SMARCAL1: variants seen among roughly 807,000 people sequenced by gnomAD.
SMARCAL1 encodes the protein ATP-driven annealing helicase.
Under a neutral mutation model 94.5 loss-of-function variants are expected in SMARCAL1, and 58 were observed. That is an observed-to-expected ratio of 0.61 (90% confidence interval 0.50 to 0.76). The LOEUF is 0.76. Ranked by LOEUF, SMARCAL1 falls within the 30% of genes least tolerant of loss-of-function variation. The probability of loss-of-function intolerance (pLI) is 0.00; values close to 1 mark genes in which losing one functional copy is unlikely to be tolerated. For synonymous variants in SMARCAL1, 422 were observed against 455.1 expected, an observed-to-expected ratio of 0.93 and a Z score of 0.93; for missense variants, 1,051 against 1,177.9, an observed-to-expected ratio of 0.89 and a Z score of 1.58.
chr2:216,480,900 G>C lies in SMARCAL1; in HGVS notation c.2626-1838G>C, dbSNP rs533642933. ...CTGGGGGTAAAAATCAGCTGGCAAA[G>C]ATCTGTAGGCTGTTTGAAATGGGAA... is the stretch of plus-strand genomic sequence containing the variant. On this transcript the variant is annotated intron_variant, in intron 17 of 17. Coordinates refer to ENST00000357276, the MANE Select transcript of SMARCAL1 (RefSeq NM_014140.4). 6.6e-5 allele frequency among the ~76,000 whole-genome samples: 10 copies of C among 152,274 alleles called. No homozygotes were observed. The South Asian group carries it at 2.1e-3, about 32-fold the overall frequency.
intron 8 of SMARCAL1, among the ~76,000 whole-genome samples, chr2:216,434,867 T>A (rs1298690200): frequency 6.7e-6 from 1 of 148,270 alleles, no homozygotes; most frequent in Non-Finnish European, 1.5e-5. Flanking sequence ...TTTTTTTTTT[T>A]TTTTCTGAGA....
intron 10 of SMARCAL1, among the ~76,000 whole-genome samples, chr2:216,440,903 ATGTCCTC>A (rs992766492): frequency 3.9e-5 from 6 of 152,202 alleles, no homozygotes; most frequent in Admixed American, 3.9e-4. Context: ...ATGCCACCGA[ATGTCCTC>A]TGAGGGAGGA....
intron 11 of SMARCAL1, among the ~76,000 whole-genome samples, chr2:216,448,811 G>A (rs1026590293): frequency 1.3e-5 from 2 of 150,956 alleles, no homozygotes; most frequent in African/African-American, 4.9e-5. Flanking sequence ...CAGCCTGGGC[G>A]ACAGAGTAAG....
intron 15 of SMARCAL1, among the ~76,000 whole-genome samples, chr2:216,476,445 A>G (rs756556690): frequency 6.6e-6 from 1 of 151,896 alleles, no homozygotes; most frequent in Non-Finnish European, 1.5e-5. Flanking sequence ...CCTCCTGAGT[A>G]GCAGGGGACT....
intron 14 of SMARCAL1, among the ~76,000 whole-genome samples, chr2:216,468,781 C>G (rs772827882): frequency 6.6e-6 from 1 of 152,154 alleles, no homozygotes. Context: ...AGTGCAGTGG[C>G]AGGATCTCAG....
At chr2:216,428,869 G>C (rs1050036111) in intron 7 of SMARCAL1, 87 bp downstream of exon 7, 2 of 1,252,932 alleles carry the variant, frequency 1.6e-6, no homozygotes, top group African/African-American at 2.9e-5. Flanking sequence ...CCTGTTTTAT[G>C]AACTTTTATT....
chr2:216,413,328 A>T (rs1693507902), intron 1 of SMARCAL1, among the ~76,000 whole-genome samples: 1 of 152,224 alleles, frequency 6.6e-6, no homozygotes, highest in Non-Finnish European at 1.5e-5. Context: ...CAAGCCAGAC[A>T]AATTGGTGTG....
At chr2:216,474,524 G>T (rs1412800673) in intron 14 of SMARCAL1, among the ~76,000 whole-genome samples, 1 of 150,538 alleles carries the variant, frequency 6.6e-6, no homozygotes, top group Non-Finnish European at 1.5e-5. Flanking sequence ...GGAGGCCGAG[G>T]CAGGCGGATC....
At chr2:216,442,015 A>G (rs1369242272) in intron 10 of SMARCAL1, among the ~76,000 whole-genome samples, 1 of 152,220 alleles carries the variant, frequency 6.6e-6, no homozygotes, top group Non-Finnish European at 1.5e-5. Flanking sequence ...TTCTGTAAGT[A>G]GAGAGTACTT....
At chr2:216,417,860 A>C (rs1693634033) in intron 4 of SMARCAL1, among the ~76,000 whole-genome samples, 1 of 152,168 alleles carries the variant, frequency 6.6e-6, no homozygotes, top group Non-Finnish European at 1.5e-5. Flanking sequence ...TGTTCTGACC[A>C]CGGTGCATGG....
chr2:216,428,498 C>A, intron 6 of SMARCAL1, 98 bp from the exon 7 acceptor site: 1 of 1,183,124 alleles, frequency 8.5e-7, no homozygotes, highest in Non-Finnish European at 1.3e-6. Flanking sequence ...CTAGGACCAG[C>A]ATCACTGGAA....
intron 7 of SMARCAL1, among the ~76,000 whole-genome samples, chr2:216,431,985 T>C (rs1383767694): frequency 6.6e-6 from 1 of 152,188 alleles, no homozygotes; most frequent in Non-Finnish European, 1.5e-5. Context: ...GAAAGCCTTC[T>C]TTTCACCCTA....
intron 10 of SMARCAL1, chr2:216,446,565 C>T: frequency 2.5e-6 from 1 of 403,944 alleles, no homozygotes; most frequent in South Asian, 1.8e-5. Context: ...TTCAGACCTG[C>T]CACTGTCTTC....
chr2:216,431,076 C>A (rs1023280843), intron 7 of SMARCAL1, among the ~76,000 whole-genome samples: 6 of 152,272 alleles, frequency 3.9e-5, no homozygotes, highest in African/African-American at 1.4e-4. Flanking sequence ...CTCTCCTAGG[C>A]AGGCCCCCGC....
At chr2:216,435,825 G>A (rs1694069684) in intron 9 of SMARCAL1, among the ~76,000 whole-genome samples, 1 of 152,134 alleles carries the variant, frequency 6.6e-6, no homozygotes, top group Non-Finnish European at 1.5e-5. Flanking sequence ...TGGGGGCTCT[G>A]GGTACTACAA....
intron 12 of SMARCAL1, among the ~76,000 whole-genome samples, chr2:216,453,192 C>G (rs1360066748): frequency 6.6e-6 from 1 of 152,110 alleles, no homozygotes; most frequent in Non-Finnish European, 1.5e-5. Context: ...TGAGAAAGAG[C>G]CCGGAGCTCT....
At chr2:216,434,873 T>TTTGG (rs1694046357) in intron 8 of SMARCAL1, among the ~76,000 whole-genome samples, 1 of 137,390 alleles carries the variant, frequency 7.3e-6, no homozygotes. Context: ...TTTTTTTTTC[T>TTTGG]GAGACCCGAG....
At chr2:216,455,261 T>C (rs1477255967) in intron 12 of SMARCAL1, among the ~76,000 whole-genome samples, 1 of 152,194 alleles carries the variant, frequency 6.6e-6, no homozygotes, top group African/African-American at 2.4e-5. Context: ...CTCTGTAGAC[T>C]CCACCTCTGG....
Position 216,471,124 on chromosome 2 carries a change from G to T in SMARCAL1, c.2244+3078G>T, listed in dbSNP as rs935538996. 5.9e-5 allele frequency among the ~76,000 whole-genome samples: 9 copies of T among 152,148 alleles called. 1 individual carries two copies. In the South Asian group the frequency reaches 6.2e-4, roughly 11 times the overall value. On this transcript the variant is annotated intron_variant, in intron 14 of 17. Coordinates refer to ENST00000357276, the MANE Select transcript of SMARCAL1 (RefSeq NM_014140.4). The stretch of plus-strand genomic sequence containing the variant: ...AGTTTGGGTAATTGCCTAAATAATT[G>T]GGGGGTGGGAGGGTAGATGAAACTT...
Sources: allele counts gnomAD v4.1 joint callset (sites outside exome capture counted in the v4.1 genomes callset), GRCh38; gene constraint gnomAD v4.1.1; transcripts MANE v1.5; gene names NCBI Gene and HGNC (gene_info 2026-07-23, HGNC 2026-07-21).